MLXIP: variants seen among roughly 807,000 people sequenced by gnomAD.
MLXIP encodes the protein MLX-interacting protein.
Under a neutral mutation model 87.2 loss-of-function variants are expected in MLXIP, and 30 were observed. The ratio of observed to expected loss-of-function variants is 0.34; its 90% CI spans 0.26 to 0.47. The LOEUF is 0.47. Among genes scored for constraint, MLXIP ranks in the 20% least tolerant of loss-of-function variants. The pLI, the probability that MLXIP is intolerant of heterozygous loss-of-function variation, is 1.00. For missense variants in MLXIP, 1,002 were observed against 1,240.1 expected (o/e 0.81, Z 2.88); for synonymous variants, 530 against 514.0 (o/e 1.03, Z -0.42).
At position 122,079,237 on chromosome 12, in the gene MLXIP, G is replaced by A. The variant is rs759904744; in HGVS notation, c.384G>A (p.Lys128=). 2.6e-6 allele frequency: 4 copies of A among 1,550,908 alleles called. No individual in the cohort carries two copies. The highest frequency in any genetic ancestry group is 2.6e-6 in the Non-Finnish European group (3 of 1,146,682). The change falls in exon 1 of 17, where the codon AAG becomes AAA. Residue 128 remains lysine (K), a synonymous_variant. Transcript: ENST00000319080. ...TGTCCATCGACGCCTCGCTCACCAAGCTCTTCGAGTGCATGACTTTGGCCT... is the reference window on the plus strand; with the variant it reads ...TGTCCATCGACGCCTCGCTCACCAAACTCTTCGAGTGCATGACTTTGGCCT... ...CHLSIDASLT[K]LFECMTLAYS...
chr12:122,094,673 T>G (rs1266549975), intron 1 of MLXIP, among the ~76,000 whole-genome samples: 1 of 143,074 alleles, frequency 7.0e-6, no homozygotes, highest in Non-Finnish European at 1.5e-5. Context: ...TGTGCAGGTG[T>G]GTGTGCGATG....
intron 15 of MLXIP, among the ~76,000 whole-genome samples, chr12:122,140,644 T>C (rs1174784780): frequency 6.6e-6 from 1 of 152,208 alleles, no homozygotes; most frequent in East Asian, 1.9e-4. Context: ...TGGCACTGTA[T>C]GTAAGAACGA....
At chr12:122,115,777 T>C (rs1419732836) in intron 1 of MLXIP, among the ~76,000 whole-genome samples, 1 of 152,008 alleles carries the variant, frequency 6.6e-6, no homozygotes, top group African/African-American at 2.4e-5. Flanking sequence ...AAACAATGGC[T>C]GACACCTGGG....
intron 1 of MLXIP, among the ~76,000 whole-genome samples, chr12:122,107,079 C>T (rs1022350929): frequency 1.3e-5 from 2 of 152,120 alleles, no homozygotes; most frequent in Non-Finnish European, 2.9e-5. Context: ...CTCTGTCTGT[C>T]GCCCTCTCCC....
At chr12:122,116,053 AACAC>A (rs138548664) in intron 1 of MLXIP, among the ~76,000 whole-genome samples, 45 of 147,328 alleles carry the variant, frequency 3.1e-4, no homozygotes, top group East Asian at 2.8e-3. Flanking sequence ...TCCATCTGAA[AACAC>A]ACACACACAC....
intron 1 of MLXIP, among the ~76,000 whole-genome samples, chr12:122,113,704 A>G (rs534874744): frequency 0.016 from 303 of 19,282 alleles, 2 homozygotes; most frequent in Middle Eastern, 0.1. Context: ...TTTTTTTTTG[A>G]GACGGAGTCT....
rs1162635011 is a variant in MLXIP at position 122,146,928 on chromosome 12, G to C, written c.*5116G>C. On this transcript the variant is annotated 3_prime_UTR_variant, in exon 17 of 17. Transcript: ENST00000319080. Reference sequence around the variant, plus strand: ...GCTCAGCCCGGGCCCCACAGCTCCAGGCCATCCCCTACGGGCTGCCCACAG... The same window carrying C: ...GCTCAGCCCGGGCCCCACAGCTCCACGCCATCCCCTACGGGCTGCCCACAG... 4 of 152,262 alleles carry C rather than the reference G, an allele frequency of 2.6e-5. No individual in the cohort carries two copies. Among genetic ancestry groups the C allele is most frequent in the Non-Finnish European group, 5.9e-5 (4 of 68,074 alleles). The allele number at this position is 152,262 out of a possible 1,614,324, so 9.4% of individuals were successfully genotyped here.
chr12:122,138,126 G>C (rs1055328876), intron 12 of MLXIP, 68 bp from the exon 13 acceptor site: 1 of 1,385,012 alleles, frequency 7.2e-7, no homozygotes, highest in Non-Finnish European at 9.9e-7. Context: ...ATCAGCGTAG[G>C]GGGTGAGGAA....
chr12:122,080,330 C>A (rs1468166186), intron 1 of MLXIP, among the ~76,000 whole-genome samples: 2 of 152,038 alleles, frequency 1.3e-5, no homozygotes, highest in Non-Finnish European at 2.9e-5. Context: ...GGAGGCATCG[C>A]GGGAGAAGTT....
At chr12:122,106,642 T>A (rs1295342897) in intron 1 of MLXIP, among the ~76,000 whole-genome samples, 2 of 129,518 alleles carry the variant, frequency 1.5e-5, no homozygotes, top group Non-Finnish European at 1.6e-5. Context: ...CACTCTGTCA[T>A]CCAGGCTGGA....
At chr12:122,104,914 C>T (rs1227698348) in intron 1 of MLXIP, among the ~76,000 whole-genome samples, 2 of 152,100 alleles carry the variant, frequency 1.3e-5, no homozygotes, top group Non-Finnish European at 2.9e-5. Context: ...CTTCTGCCTT[C>T]CCCCCGTGGC....
At chr12:122,092,899 G>T (rs1261276400) in intron 1 of MLXIP, among the ~76,000 whole-genome samples, 1 of 82,544 alleles carries the variant, frequency 1.2e-5, no homozygotes, top group Non-Finnish European at 2.6e-5. Context: ...CTTCCCCAGT[G>T]TGTGTGTTGT....
chr12:122,092,929 G>A (rs1443047647), intron 1 of MLXIP, among the ~76,000 whole-genome samples: 1 of 45,926 alleles, frequency 2.2e-5, no homozygotes, highest in Non-Finnish European at 4.5e-5. Context: ...TGTGTGTGGG[G>A]TGTGGTGTGT....
Position 122,078,776 on chromosome 12 carries a change from C to T in MLXIP, c.-78C>T, listed in dbSNP as rs1247770262. On this transcript the variant is annotated 5_prime_UTR_variant, in exon 1 of 17. Coordinates refer to ENST00000319080, the MANE Select transcript of MLXIP (RefSeq NM_014938.6). Reference sequence around the variant, plus strand: ...CGGACAGTCGGCGCGCGGGCCGGGCCGGGCCGGCGCCCCTCTGCCTCGCGC... The same window carrying T: ...CGGACAGTCGGCGCGCGGGCCGGGCTGGGCCGGCGCCCCTCTGCCTCGCGC... The T allele has an allele frequency of 5.5e-5, 56 of 1,017,718 alleles. No homozygotes were observed. Among genetic ancestry groups the T allele is most frequent in the Middle Eastern group, 4.7e-4 (1 of 2,132 alleles). 63.0% of individuals were successfully genotyped at this position (1,017,718 alleles called of 1,614,324 possible).
chr12:122,132,465 C>A, intron 8 of MLXIP, 82 bp downstream of exon 8: 1 of 1,105,000 alleles, frequency 9.0e-7, no homozygotes, highest in Non-Finnish European at 1.3e-6. Flanking sequence ...CAGAGCAAGG[C>A]TAATGGCATA....
At chr12:122,085,184 C>A (rs1349359440) in intron 1 of MLXIP, among the ~76,000 whole-genome samples, 1 of 152,128 alleles carries the variant, frequency 6.6e-6, no homozygotes, top group Non-Finnish European at 1.5e-5. Flanking sequence ...AAACCCTGTG[C>A]TTCCCAGAGT....
chr12:122,093,139 ATGTG>A (rs1478223345), intron 1 of MLXIP, among the ~76,000 whole-genome samples: 1 of 118,776 alleles, frequency 8.4e-6, no homozygotes, highest in Non-Finnish European at 1.7e-5. Context: ...GGGTCTGTTG[ATGTG>A]TGTGTTGGCG....
chr12:122,106,367 T>TG (rs1952519498), intron 1 of MLXIP, among the ~76,000 whole-genome samples: 1 of 152,176 alleles, frequency 6.6e-6, no homozygotes, highest in East Asian at 1.9e-4. Context: ...CACATGCCTT[T>TG]GCTCACTCAA....
intron 1 of MLXIP, among the ~76,000 whole-genome samples, chr12:122,117,643 TG>T (rs1480269006): frequency 1.3e-5 from 2 of 152,248 alleles, no homozygotes; most frequent in African/African-American, 4.8e-5. Flanking sequence ...TAGAATGTCT[TG>T]GACCTTGCCT....
Sources: gnomAD v4.1 joint callset for allele counts (sites outside exome capture counted in the v4.1 genomes callset) on GRCh38, gnomAD v4.1.1 for gene constraint, MANE v1.5 for transcripts, NCBI Gene and HGNC (gene_info 2026-07-23, HGNC 2026-07-21) for gene names.